The following MSI2 variants were observed in gnomAD, a reference collection of about 807,000 sequenced individuals.
MSI2 encodes the protein musashi RNA binding protein 2.
MSI2 carries 17 observed loss-of-function variants against 45.6 expected under a neutral mutation model. The ratio of observed to expected loss-of-function variants is 0.37; its 90% confidence interval spans 0.26 to 0.56. The LOEUF (loss-of-function observed/expected upper bound fraction) is 0.56. MSI2 is among the 20% of genes least tolerant of loss of function. The probability of loss-of-function intolerance (pLI) is 0.77; values close to 1 mark genes in which losing one functional copy is unlikely to be tolerated. For synonymous variants in MSI2, 156 were observed against 158.2 expected (o/e 0.99, Z 0.11); for missense variants, 293 against 444.2 (o/e 0.66, Z 3.06).
intron 6 of MSI2, chr17:57,444,558 G>A (rs1412444864): frequency 2.0e-5 from 3 of 151,746 alleles, no homozygotes; most frequent in Non-Finnish European, 2.9e-5. Flanking sequence ...TCCAGACTGG[G>A]TGACAGAGCA....
At chr17:57,399,180 T>C (rs2083942989) in intron 5 of MSI2, among the ~76,000 whole-genome samples, 1 of 152,114 alleles carries the variant, frequency 6.6e-6, no homozygotes. Context: ...TCATGAGAGG[T>C]ACTTGGAGCT....
At chr17:57,613,848 T>G (rs1213705502) in intron 8 of MSI2, among the ~76,000 whole-genome samples, 1 of 152,232 alleles carries the variant, frequency 6.6e-6, no homozygotes, top group Non-Finnish European at 1.5e-5. Flanking sequence ...TTGTCCACTT[T>G]TTAAGGCATT....
At chr17:57,585,093 C>G (rs1249988032) in intron 7 of MSI2, among the ~76,000 whole-genome samples, 1 of 152,150 alleles carries the variant, frequency 6.6e-6, no homozygotes, top group Non-Finnish European at 1.5e-5. Flanking sequence ...GCTAGGATTA[C>G]AAGCATGAGC....
chr17:57,660,546 C>T (rs1911920134), intron 11 of MSI2, among the ~76,000 whole-genome samples: 1 of 152,198 alleles, frequency 6.6e-6, no homozygotes, highest in Admixed American at 6.5e-5. Flanking sequence ...GATCTCCCAA[C>T]CTAGTGTGGA....
chr17:57,524,236 C>G (rs1025104139), intron 6 of MSI2, among the ~76,000 whole-genome samples: 1 of 152,206 alleles, frequency 6.6e-6, no homozygotes, highest in African/African-American at 2.4e-5. Flanking sequence ...ACTCTTCCCC[C>G]CACCGCATTT....
At chr17:57,550,144 C>T (rs894733593) in intron 7 of MSI2, among the ~76,000 whole-genome samples, 3 of 152,152 alleles carry the variant, frequency 2.0e-5, no homozygotes, top group Non-Finnish European at 4.4e-5. Context: ...AGAATAGCTG[C>T]CGAAGACAAA....
At chr17:57,436,639 G>A (rs1029825976) in intron 6 of MSI2, among the ~76,000 whole-genome samples, 1 of 152,232 alleles carries the variant, frequency 6.6e-6, no homozygotes. Context: ...CATGCTCGCC[G>A]AGGAGGCAGG....
intron 6 of MSI2, among the ~76,000 whole-genome samples, chr17:57,419,529 A>AT (rs36114353): frequency 1.0e-3 from 146 of 145,644 alleles, no homozygotes; most frequent in Middle Eastern, 6.9e-3. Flanking sequence ...TGCCTGGCTA[A>AT]TTTTTTTTTT....
intron 11 of MSI2, among the ~76,000 whole-genome samples, chr17:57,667,387 GT>G (rs890568747): frequency 1.2e-4 from 19 of 152,288 alleles, no homozygotes; most frequent in African/African-American, 4.6e-4. Flanking sequence ...AGGGTAAGGT[GT>G]TGTTGAAGCA....
chr17:57,497,812 G>A (rs1323161256), intron 6 of MSI2, among the ~76,000 whole-genome samples: 1 of 152,154 alleles, frequency 6.6e-6, no homozygotes, highest in African/African-American at 2.4e-5. Flanking sequence ...TGCACTGTCC[G>A]GACAAGCTGA....
At chr17:57,476,054 T>C (rs146614109) in intron 6 of MSI2, among the ~76,000 whole-genome samples, 1,785 of 152,298 alleles carry the variant, frequency 0.012, 25 homozygotes, top group African/African-American at 0.04. Flanking sequence ...CGCTGCAGAA[T>C]GGTGTGTAAT....
chr17:57,504,707 G>T (rs1240897255), intron 6 of MSI2, among the ~76,000 whole-genome samples: 1 of 152,172 alleles, frequency 6.6e-6, no homozygotes, highest in African/African-American at 2.4e-5. Flanking sequence ...GAGGCGGGTG[G>T]ATCAGCTGAG....
intron 5 of MSI2, among the ~76,000 whole-genome samples, chr17:57,276,285 T>C (rs1457608607): frequency 6.6e-6 from 1 of 152,222 alleles, no homozygotes; most frequent in Non-Finnish European, 1.5e-5. Context: ...GATGATTTCT[T>C]GTTCAAATCA....
chr17:57,677,518 G>A (rs970143909), intron 13 of MSI2, among the ~76,000 whole-genome samples: 5 of 152,184 alleles, frequency 3.3e-5, no homozygotes, highest in Admixed American at 3.3e-4. Flanking sequence ...CCTGTGGGTT[G>A]CTGGGCCCCT....
intron 8 of MSI2, among the ~76,000 whole-genome samples, chr17:57,603,568 G>A (rs923832663): frequency 9.2e-5 from 14 of 152,350 alleles, no homozygotes; most frequent in African/African-American, 3.1e-4. Flanking sequence ...TAATTGGGTA[G>A]CCTTGAAGGA....
intron 5 of MSI2, among the ~76,000 whole-genome samples, chr17:57,355,876 AGGCTATGTTTCCCAGGCTAGGACATG>A (rs1396640140): frequency 3.2e-4 from 48 of 152,316 alleles, no homozygotes; most frequent in African/African-American, 1.1e-3. Context: ...TAGATGACAT[AGGCTATGTTTCCCAGGCTAGGACATG>A]GGCTATGTTT....
rs191325061 is a variant in MSI2, at chr17:57,596,159, G to C, written c.455-709G>C. ...AAGAAAGGGGCAGGAGGGTAGGAGAGGAACTGAGGATACTGAGCAGCAGTC... is the reference window on the plus strand; with the variant it reads ...AAGAAAGGGGCAGGAGGGTAGGAGACGAACTGAGGATACTGAGCAGCAGTC... On this transcript the variant is annotated intron_variant, in intron 7 of 13. Coordinates refer to ENST00000284073, the MANE Select transcript of MSI2 (RefSeq NM_138962.4). This position sits in a 1 kb window ranked among gnomAD's most constrained non-coding sequence, Gnocchi z 4.6. 1.2e-3 allele frequency among the ~76,000 whole-genome samples: 181 copies of C among 152,302 alleles called. No individual in the cohort carries two copies. The highest frequency in any genetic ancestry group is 4.2e-3 in the African/African-American group (174 of 41,550).
At chr17:57,454,004 T>C (rs1159552805) in intron 6 of MSI2, among the ~76,000 whole-genome samples, 4 of 152,240 alleles carry the variant, frequency 2.6e-5, no homozygotes. Flanking sequence ...CATGACCCTG[T>C]GTGCTATTAC....
At chr17:57,396,413 C>CA (rs113923945) in intron 5 of MSI2, among the ~76,000 whole-genome samples, 49 of 150,186 alleles carry the variant, frequency 3.3e-4, no homozygotes, top group African/African-American at 1.1e-3. Flanking sequence ...AGCACACACA[C>CA]CACACACACA....
Sources: allele counts gnomAD v4.1 joint callset (sites outside exome capture counted in the v4.1 genomes callset), GRCh38; gene constraint gnomAD v4.1.1; non-coding constraint Gnocchi (gnomAD v3.1); transcripts MANE v1.5; gene names NCBI Gene and HGNC (gene_info 2026-07-23, HGNC 2026-07-21).